Variants in ACYP2 observed in about 807,000 individuals in gnomAD.
ACYP2 encodes acylphosphatase-2.
Under a neutral mutation model 11.2 loss-of-function variants are expected in ACYP2, and 12 were observed. That is an observed-to-expected ratio of 1.08 (90% confidence interval 0.69 to 1.74). ACYP2 has a LOEUF of 1.74. Among genes scored for constraint, ACYP2 ranks in the 40% most tolerant of loss-of-function variants. ACYP2 has a pLI of 0.00. For synonymous variants in ACYP2, 43 were observed against 32.2 expected (o/e 1.33, Z -1.13); for missense variants, 134 against 101.9 (o/e 1.31, Z -1.35).
At chr2:54,233,532 T>C (rs1371742418) in intron 6 of ACYP2, among the ~76,000 whole-genome samples, 1 of 152,078 alleles carries the variant, frequency 6.6e-6, no homozygotes, top group Non-Finnish European at 1.5e-5. Flanking sequence ...CTTGAACTCC[T>C]GAGCTCAAAG....
At chr2:54,298,997 C>T (rs901391053) in intron 6 of ACYP2, among the ~76,000 whole-genome samples, 1 of 152,188 alleles carries the variant, frequency 6.6e-6, no homozygotes, top group East Asian at 1.9e-4. Context: ...AACTGATCCA[C>T]CCACCTCAGC....
chr2:54,077,361 G>A (rs1274675845), intron 4 of ACYP2, among the ~76,000 whole-genome samples: 2 of 151,956 alleles, frequency 1.3e-5, no homozygotes, highest in African/African-American at 4.8e-5. Flanking sequence ...CAAACTTGTT[G>A]TTGTTGTTGT....
chr2:54,038,673 CTATATATATATATATATATATA>C lies in ACYP2; in HGVS notation c.63-12266_63-12245del, dbSNP rs56817782. ...TCATTCAATAAATCTTTATTGAATA[CTATATATATATATATATATATA>C]TATATATATATATATATACTCTTCT... On this transcript the variant is annotated intron_variant, in intron 2 of 6. Transcript: ENST00000607452. 3.4e-3 allele frequency among the ~76,000 whole-genome samples: 359 copies of C among 106,110 alleles called. 7 individuals are homozygous for C. Among genetic ancestry groups the C allele is most frequent in the East Asian group, 0.02 (72 of 3,642 alleles). 69.6% of individuals were successfully genotyped at this position (106,110 alleles called of 152,430 possible).
At chr2:54,303,298 C>G (rs995818909) in intron 6 of ACYP2, among the ~76,000 whole-genome samples, 3 of 152,098 alleles carry the variant, frequency 2.0e-5, no homozygotes, top group Admixed American at 6.5e-5. Flanking sequence ...CTGCAGTGAG[C>G]CATGATCATG....
At chr2:54,049,738 A>C (rs1022094045) in intron 2 of ACYP2, among the ~76,000 whole-genome samples, 3 of 152,204 alleles carry the variant, frequency 2.0e-5, no homozygotes, top group Non-Finnish European at 2.9e-5. Flanking sequence ...CTCATCTCAG[A>C]ATAAGAAGCT....
chr2:54,156,126 G>T (rs1351978301), intron 6 of ACYP2, among the ~76,000 whole-genome samples: 1 of 152,140 alleles, frequency 6.6e-6, no homozygotes, highest in African/African-American at 2.4e-5. Context: ...GCTGTTGGAT[G>T]GAAAATTCTA....
intron 4 of ACYP2, among the ~76,000 whole-genome samples, chr2:54,090,844 A>G (rs953568478): frequency 6.6e-6 from 1 of 151,578 alleles, no homozygotes; most frequent in African/African-American, 2.4e-5. Flanking sequence ...TCTTCCTCTG[A>G]CTCTTGAGAT....
chr2:54,012,760 CT>C (rs1414109994), intron 2 of ACYP2, among the ~76,000 whole-genome samples: 1 of 152,166 alleles, frequency 6.6e-6, no homozygotes, highest in Non-Finnish European at 1.5e-5. Context: ...ACTCCTACCC[CT>C]ATCCTCTTTC....
chr2:54,302,518 C>T (rs1407179075), intron 6 of ACYP2, among the ~76,000 whole-genome samples: 2 of 152,154 alleles, frequency 1.3e-5, no homozygotes, highest in Non-Finnish European at 2.9e-5. Flanking sequence ...TTGGACCTAT[C>T]TTTTCTATCT....
chr2:54,083,479 A>G (rs114003275), intron 4 of ACYP2, among the ~76,000 whole-genome samples: 2,757 of 152,318 alleles, frequency 0.018, 39 homozygotes, highest in Non-Finnish European at 0.03. Flanking sequence ...ACAAAACCCA[A>G]TGGATTGCTA....
chr2:54,128,814 A>T (rs1264044922), intron 4 of ACYP2, among the ~76,000 whole-genome samples: 4 of 152,070 alleles, frequency 2.6e-5, no homozygotes, highest in African/African-American at 9.7e-5. Context: ...GTCATACACA[A>T]TTGAATAATT....
At chr2:54,161,101 G>A (rs1010842756) in intron 6 of ACYP2, among the ~76,000 whole-genome samples, 1 of 152,142 alleles carries the variant, frequency 6.6e-6, no homozygotes, top group African/African-American at 2.4e-5. Flanking sequence ...AGCAGTGTGA[G>A]TTCATAAGCC....
intron 2 of ACYP2, among the ~76,000 whole-genome samples, chr2:54,000,257 G>C (rs908868955): frequency 1.3e-5 from 2 of 152,078 alleles, no homozygotes; most frequent in East Asian, 3.9e-4. Context: ...CTCTTGTGTA[G>C]TTATTCCAAG....
intron 6 of ACYP2, among the ~76,000 whole-genome samples, chr2:54,288,074 G>A (rs1459429223): frequency 2.0e-5 from 3 of 151,892 alleles, no homozygotes; most frequent in Admixed American, 6.6e-5. Flanking sequence ...ACAATTTAGA[G>A]AGGGCTTTGT....
At chr2:54,122,531 G>A (rs554899975) in intron 4 of ACYP2, among the ~76,000 whole-genome samples, 75 of 152,334 alleles carry the variant, frequency 4.9e-4, no homozygotes, top group Non-Finnish European at 9.1e-4. Context: ...GGGAGGCCAC[G>A]AAAGCCCATA....
At chr2:54,262,730 A>AAAT (rs1227575453) in intron 6 of ACYP2, among the ~76,000 whole-genome samples, 1 of 151,742 alleles carries the variant, frequency 6.6e-6, no homozygotes, top group Non-Finnish European at 1.5e-5. Context: ...TTTTTTTTAG[A>AAAT]AATAACTTTT....
chr2:54,277,633 G>C (rs1354567325), intron 6 of ACYP2, among the ~76,000 whole-genome samples: 1 of 151,910 alleles, frequency 6.6e-6, no homozygotes, highest in Non-Finnish European at 1.5e-5. Context: ...AGCCACAGTC[G>C]TGCTACTGCA....
intron 6 of ACYP2, among the ~76,000 whole-genome samples, chr2:54,280,858 G>T (rs557453690): frequency 6.6e-6 from 1 of 152,250 alleles, no homozygotes; most frequent in South Asian, 2.1e-4. Flanking sequence ...GATGGTAACT[G>T]GAAGATAGGT....
intron 6 of ACYP2, among the ~76,000 whole-genome samples, chr2:54,261,889 A>G (rs1230350561): frequency 1.3e-5 from 2 of 152,228 alleles, no homozygotes; most frequent in Non-Finnish European, 2.9e-5. Context: ...GGAAATGGTC[A>G]AAAAGAAGTT....
Sources: allele counts gnomAD v4.1 joint callset (sites outside exome capture counted in the v4.1 genomes callset), GRCh38; gene constraint gnomAD v4.1.1; transcripts MANE v1.5; gene names NCBI Gene and HGNC (gene_info 2026-07-23, HGNC 2026-07-21).